Variants in ZIM2 observed in about 807,000 individuals in gnomAD.
ZIM2 encodes the protein zinc finger protein 656.
A neutral mutation model predicts 38.6 loss-of-function variants in ZIM2; 14 were observed. That is an observed-to-expected ratio of 0.36 (90% CI 0.24 to 0.57). ZIM2 has a LOEUF of 0.57. ZIM2 is among the 20% of genes least tolerant of loss of function. The pLI, the probability that ZIM2 is intolerant of heterozygous loss-of-function variation, is 0.81. For missense variants in ZIM2, 680 were observed against 695.1 expected, an observed-to-expected ratio of 0.98 and a Z score of 0.24; for synonymous variants, 247 against 245.8, an observed-to-expected ratio of 1.00 and a Z score of -0.04.
intron 11 of ZIM2, among the ~76,000 whole-genome samples, chr19:56,779,746 C>T (rs564378934): frequency 5.3e-5 from 8 of 152,122 alleles, no homozygotes; most frequent in African/African-American, 1.7e-4. Flanking sequence ...CCCCACAACC[C>T]GGGACGATCT....
intron 3 of ZIM2, 81 bp from the exon 4 acceptor site, chr19:56,824,508 G>A (rs372007366): frequency 9.3e-6 from 15 of 1,613,978 alleles, no homozygotes; most frequent in African/African-American, 2.7e-5. Context: ...ATTAGGTTCC[G>A]AAACCTCTGA....
intron 12 of ZIM2, among the ~76,000 whole-genome samples, chr19:56,777,996 C>T (rs954275816): frequency 6.6e-6 from 1 of 152,164 alleles, no homozygotes; most frequent in Non-Finnish European, 1.5e-5. Context: ...CTGCCTGTAA[C>T]ACTCTTCCTC....
rs776290336 is a variant in ZIM2 at position 56,816,196 on chromosome 19, G to A, written c.490+1550C>T. The A allele has an allele frequency of 3.0e-5, 49 of 1,614,056 alleles. No individual in the cohort carries two copies. Among genetic ancestry groups the A allele is most frequent in the Admixed American group, 6.7e-5 (4 of 60,022 alleles). On this transcript the variant is annotated intron_variant, in intron 9 of 12. Coordinates refer to ENST00000629319, the MANE Select transcript of ZIM2 (RefSeq NM_001387356.1). ...ATAGGGGTTAGAGCTAATGGTGAAC[G>A]CCTTTTCGTCCTCATCACTTTCAAG...
chr19:56,785,129 T>C (rs187077585), intron 10 of ZIM2, among the ~76,000 whole-genome samples: 65 of 152,308 alleles, frequency 4.3e-4, no homozygotes, highest in African/African-American at 1.3e-3. Flanking sequence ...TTAGAAAATC[T>C]GGGGACTGGG....
chr19:56,776,035 A>G (rs1355936201), intron 12 of ZIM2, among the ~76,000 whole-genome samples: 3 of 141,622 alleles, frequency 2.1e-5, no homozygotes, highest in Non-Finnish European at 3.0e-5. Flanking sequence ...CGGGAGGTGG[A>G]GGTTGCAGTG....
chr19:56,789,756 T>C, intron 10 of ZIM2, 116 bp downstream of exon 10: 1 of 924,792 alleles, frequency 1.1e-6, no homozygotes, highest in Non-Finnish European at 1.5e-6. Context: ...TAAAGTGATA[T>C]TTATATAAAA....
intron 2 of ZIM2, among the ~76,000 whole-genome samples, chr19:56,830,183 A>G (rs370126473): frequency 2.0e-5 from 3 of 152,208 alleles, no homozygotes; most frequent in East Asian, 1.9e-4. Flanking sequence ...TTTCATCTCT[A>G]TATTTTTATA....
intron 1 of ZIM2, among the ~76,000 whole-genome samples, chr19:56,838,630 C>A (rs968989505): frequency 3.9e-5 from 6 of 152,210 alleles, no homozygotes; most frequent in African/African-American, 1.4e-4. Context: ...AAAAACACAG[C>A]GAGCGCGGTG....
intron 9 of ZIM2, chr19:56,811,448 G>A (rs2059534960): frequency 5.3e-6 from 5 of 944,574 alleles, no homozygotes; most frequent in Non-Finnish European, 6.3e-6. Flanking sequence ...TACATAACTC[G>A]TGATTATCAT....
chr19:56,796,639 T>C (rs986075979), intron 9 of ZIM2, among the ~76,000 whole-genome samples: 2 of 152,154 alleles, frequency 1.3e-5, no homozygotes, highest in African/African-American at 4.8e-5. Context: ...GTGAGCTTGC[T>C]CAGTGAGTCC....
intron 3 of ZIM2, among the ~76,000 whole-genome samples, chr19:56,826,174 G>T (rs1007149931): frequency 2.0e-5 from 3 of 152,200 alleles, no homozygotes; most frequent in African/African-American, 7.2e-5. Context: ...AGACCAGAGA[G>T]TCCAGGCTCC....
chr19:56,790,095 T>C (rs553329161), intron 9 of ZIM2, 144 bp from the exon 10 acceptor site: 1 of 525,584 alleles, frequency 1.9e-6, no homozygotes, highest in Non-Finnish European at 3.0e-6. Context: ...AAGTCAGATA[T>C]CATTTCTCAA....
intron 7 of ZIM2, among the ~76,000 whole-genome samples, chr19:56,821,429 G>A (rs1052656608): frequency 1.3e-5 from 2 of 152,142 alleles, no homozygotes; most frequent in Non-Finnish European, 2.9e-5. Flanking sequence ...ACATGCTGAG[G>A]GGGCAGGAGC....
chr19:56,797,109 T>C (rs936721050), intron 9 of ZIM2, among the ~76,000 whole-genome samples: 3 of 152,132 alleles, frequency 2.0e-5, no homozygotes, highest in Non-Finnish European at 4.4e-5. Context: ...GTCAAGAGTT[T>C]GAGACCAGCC....
At chr19:56,830,075 C>CA (rs1305480380) in intron 2 of ZIM2, among the ~76,000 whole-genome samples, 6 of 152,220 alleles carry the variant, frequency 3.9e-5, no homozygotes, top group African/African-American at 1.4e-4. Context: ...GCTTATTAAT[C>CA]AGAGCTGTGC....
At chr19:56,818,503 T>C (rs2060191184) in intron 8 of ZIM2, 97 bp downstream of exon 8, 1 of 1,252,602 alleles carries the variant, frequency 8.0e-7, no homozygotes, top group Non-Finnish European at 1.1e-6. Flanking sequence ...AGTCCAAATA[T>C]ATTAATGTGG....
At chr19:56,836,209 G>A in intron 1 of ZIM2, 105 bp from the exon 2 acceptor site, 1 of 384,836 alleles carries the variant, frequency 2.6e-6, no homozygotes, top group South Asian at 1.9e-5. Flanking sequence ...TTCTATGATG[G>A]CACAGGTCAA....
At chr19:56,815,494 T>A (rs10412932) in intron 9 of ZIM2, 2 of 1,614,030 alleles carry the variant, frequency 1.2e-6, no homozygotes, top group East Asian at 4.5e-5. Flanking sequence ...CTCAGTGAGG[T>A]CAGAGCTATG....
At chr19:56,811,675 G>A in intron 9 of ZIM2, 1 of 985,444 alleles carries the variant, frequency 1.0e-6, no homozygotes, top group Non-Finnish European at 1.2e-6. Flanking sequence ...CTCGTTTCAA[G>A]AGTCCTTTTC....
Sources: allele counts gnomAD v4.1 joint callset (sites outside exome capture counted in the v4.1 genomes callset), GRCh38; gene constraint gnomAD v4.1.1; transcripts MANE v1.5; gene names NCBI Gene and HGNC (gene_info 2026-07-23, HGNC 2026-07-21).